Variants in RCAN2 observed in about 807,000 individuals in gnomAD.
RCAN2 encodes the protein regulator of calcineurin 2.
In RCAN2, 9 loss-of-function variants were observed where a neutral mutation model predicts 23.6. That is an observed-to-expected ratio of 0.38 (90% CI 0.23 to 0.67). RCAN2 has a LOEUF of 0.67. Ranked by LOEUF, RCAN2 falls within the 30% of genes least tolerant of loss-of-function variation. The pLI is 0.51. For missense variants in RCAN2, 273 were observed against 302.3 expected (o/e 0.90, Z 0.72); for synonymous variants, 109 against 115.7 (o/e 0.94, Z 0.37).
intron 2 of RCAN2, among the ~76,000 whole-genome samples, chr6:46,423,959 G>T (rs1452376779): frequency 6.6e-6 from 1 of 152,188 alleles, no homozygotes; most frequent in Non-Finnish European, 1.5e-5. Context: ...AAAAGGGTTA[G>T]GTAACTAACC....
In RCAN2 at chr6:46,351,009, G is replaced by A. The variant is rs79570051; in HGVS notation, c.226-102113C>T. On this transcript the variant is annotated intron_variant, in intron 2 of 4. Coordinates refer to ENST00000371374, the MANE Select transcript of RCAN2 (RefSeq NM_001251974.2). ...GGATGATAATAGTATCACCTTCTTG[G>A]GTTGTTGGGAGGCTTAACAAATTAA... Among the ~76,000 whole-genome samples, 14 of 152,232 alleles carry A rather than the reference G, an allele frequency of 9.2e-5. No individual in the cohort carries two copies. In the East Asian group the frequency reaches 2.5e-3, roughly 27 times the overall value.
At chr6:46,261,464 T>G (rs569787051) in intron 2 of RCAN2, among the ~76,000 whole-genome samples, 1 of 152,284 alleles carries the variant, frequency 6.6e-6, no homozygotes, top group South Asian at 2.1e-4. Context: ...TATATCACTT[T>G]AAAAGGTTGC....
intron 2 of RCAN2, among the ~76,000 whole-genome samples, chr6:46,445,248 C>A (rs1003081615): frequency 1.3e-5 from 2 of 152,148 alleles, no homozygotes; most frequent in South Asian, 2.1e-4. Context: ...AGGTCCACCC[C>A]CATAGAACCA....
intron 2 of RCAN2, among the ~76,000 whole-genome samples, chr6:46,369,352 CTATAG>C (rs1561877943): frequency 6.6e-6 from 1 of 152,134 alleles, no homozygotes; most frequent in East Asian, 1.9e-4. Context: ...ATAAAGTATA[CTATAG>C]TAAACTGGTA....
intron 2 of RCAN2, among the ~76,000 whole-genome samples, chr6:46,396,792 A>T (rs1399668767): frequency 2.6e-5 from 4 of 152,180 alleles, no homozygotes; most frequent in African/African-American, 9.6e-5. Context: ...TATCTCTATT[A>T]CAACCATCTT....
intron 1 of RCAN2, among the ~76,000 whole-genome samples, chr6:46,469,265 T>C (rs994963435): frequency 6.6e-6 from 1 of 152,154 alleles, no homozygotes; most frequent in African/African-American, 2.4e-5. Context: ...GATCCGTAAT[T>C]AATCTCCCAC....
intron 2 of RCAN2, among the ~76,000 whole-genome samples, chr6:46,320,350 T>C (rs1452299621): frequency 6.6e-6 from 1 of 152,136 alleles, no homozygotes; most frequent in Non-Finnish European, 1.5e-5. Flanking sequence ...GAGTACAAAG[T>C]GCATCATACC....
chr6:46,432,411 C>T (rs560219717), intron 2 of RCAN2, among the ~76,000 whole-genome samples: 1 of 152,178 alleles, frequency 6.6e-6, no homozygotes, highest in South Asian at 2.1e-4. Flanking sequence ...TGGAGTTTCT[C>T]CATGTTGGCC....
chr6:46,491,848 C>T (rs1223991121), upstream of RCAN2: 1 of 152,448 alleles, frequency 6.6e-6, no homozygotes, highest in Non-Finnish European at 1.5e-5. Context: ...TGGGGGAGTA[C>T]TGGGAGAAAG....
chr6:46,256,371 A>G (rs1447073823), intron 2 of RCAN2, among the ~76,000 whole-genome samples: 1 of 134,666 alleles, frequency 7.4e-6, no homozygotes, highest in Non-Finnish European at 1.5e-5. Context: ...TTCTGTCTCA[A>G]AAAAGAAAAA....
chr6:46,297,106 C>G (rs1561847605), intron 2 of RCAN2, among the ~76,000 whole-genome samples: 1 of 152,124 alleles, frequency 6.6e-6, no homozygotes, highest in Non-Finnish European at 1.5e-5. Flanking sequence ...CTTATAGTGT[C>G]CCTTTATCAT....
chr6:46,448,125 A>T lies in RCAN2; in HGVS notation c.225+8627T>A, dbSNP rs1290956117. Among the ~76,000 whole-genome samples, 3 of 151,862 alleles carry T rather than the reference A, an allele frequency of 2.0e-5. No homozygotes were observed. The South Asian group carries it at 6.2e-4, about 31-fold the overall frequency. ...TAATAAAAAAATCTGAGAAGACTCA[A>T]ATAAAATCAGAAATGAAAGAGGAGA... On this transcript the variant is annotated intron_variant, in intron 2 of 4. Coordinates refer to ENST00000371374, the MANE Select transcript of RCAN2 (RefSeq NM_001251974.2).
chr6:46,230,093 A>G (rs1765824826), intron 4 of RCAN2, among the ~76,000 whole-genome samples: 3 of 152,178 alleles, frequency 2.0e-5, no homozygotes, highest in Admixed American at 6.5e-5. Context: ...CAGAACAACA[A>G]ATATTGCAGA....
At chr6:46,234,524 G>A (rs1196896819) in intron 4 of RCAN2, among the ~76,000 whole-genome samples, 3 of 152,152 alleles carry the variant, frequency 2.0e-5, no homozygotes, top group African/African-American at 7.2e-5. Flanking sequence ...AGTGAGAACA[G>A]ACCAATGGAA....
intron 2 of RCAN2, among the ~76,000 whole-genome samples, chr6:46,431,599 G>A (rs1315175820): frequency 6.6e-6 from 1 of 152,188 alleles, no homozygotes; most frequent in Non-Finnish European, 1.5e-5. Context: ...GATGCTCCAA[G>A]TGACCTATGT....
chr6:46,298,544 A>G (rs894723739), intron 2 of RCAN2, among the ~76,000 whole-genome samples: 105 of 152,216 alleles, frequency 6.9e-4, no homozygotes, highest in African/African-American at 2.4e-3. Flanking sequence ...GTAAACCTTA[A>G]TATTTTTATG....
intron 4 of RCAN2, among the ~76,000 whole-genome samples, chr6:46,231,372 G>A (rs1250629194): frequency 1.3e-5 from 2 of 151,598 alleles, no homozygotes; most frequent in Non-Finnish European, 1.5e-5. Context: ...AGAACGGTGA[G>A]TCTATAAATT....
chr6:46,331,841 C>T (rs971034406), intron 2 of RCAN2, among the ~76,000 whole-genome samples: 2 of 152,152 alleles, frequency 1.3e-5, no homozygotes, highest in Non-Finnish European at 2.9e-5. Flanking sequence ...AGAGATTCTG[C>T]TAAAACACAT....
At chr6:46,294,825 C>A (rs1359862339) in intron 2 of RCAN2, among the ~76,000 whole-genome samples, 1 of 152,064 alleles carries the variant, frequency 6.6e-6, no homozygotes, top group African/African-American at 2.4e-5. Context: ...ATGTGTCCAA[C>A]GCATTGTCCA....
Sources: allele counts gnomAD v4.1 joint callset (sites outside exome capture counted in the v4.1 genomes callset), GRCh38; gene constraint gnomAD v4.1.1; transcripts MANE v1.5; gene names NCBI Gene and HGNC (gene_info 2026-07-23, HGNC 2026-07-21).